The following PHLPP2 variants were observed in gnomAD, a reference collection of about 807,000 sequenced individuals.
PHLPP2 encodes the protein PH domain and leucine rich repeat protein phosphatase 2.
Under a neutral mutation model 124.9 loss-of-function variants are expected in PHLPP2, and 66 were observed. The observed-to-expected ratio is 0.53, with a 90% CI of 0.43 to 0.65. The LOEUF (loss-of-function observed/expected upper bound fraction) is 0.65, where lower values mean the gene tolerates loss of function less well. Among genes scored for constraint, PHLPP2 ranks in the 30% least tolerant of loss-of-function variants. The probability of loss-of-function intolerance (pLI) is 0.00; values close to 1 mark genes in which losing one functional copy is unlikely to be tolerated. For synonymous variants in PHLPP2, 681 were observed against 624.7 expected (o/e 1.09, Z -1.34); for missense variants, 1,685 against 1,600.4 (o/e 1.05, Z -0.90).
At chr16:71,698,882 G>A (rs1055484128) in intron 3 of PHLPP2, among the ~76,000 whole-genome samples, 5 of 152,284 alleles carry the variant, frequency 3.3e-5, no homozygotes, top group African/African-American at 1.2e-4. Flanking sequence ...CATAATGGCT[G>A]ACTGGGACAC....
At chr16:71,694,300 A>C (rs1374543740) in intron 3 of PHLPP2, among the ~76,000 whole-genome samples, 1 of 151,726 alleles carries the variant, frequency 6.6e-6, no homozygotes, top group Non-Finnish European at 1.5e-5. Flanking sequence ...CATCTCTACT[A>C]AAATACAAAA....
chr16:71,654,325 T>C (rs745942527), intron 17 of PHLPP2, among the ~76,000 whole-genome samples: 9 of 151,824 alleles, frequency 5.9e-5, no homozygotes, highest in Non-Finnish European at 1.3e-4. Flanking sequence ...CCACCTGACA[T>C]GCAAATGCTC....
chr16:71,705,266 GA>G (rs1291004517), intron 2 of PHLPP2, among the ~76,000 whole-genome samples: 1 of 152,138 alleles, frequency 6.6e-6, no homozygotes, highest in Non-Finnish European at 1.5e-5. Context: ...AATTCTACCT[GA>G]CCCCTACAGT....
chr16:71,680,186 T>C (rs2044984306), intron 6 of PHLPP2, among the ~76,000 whole-genome samples: 1 of 152,224 alleles, frequency 6.6e-6, no homozygotes, highest in Non-Finnish European at 1.5e-5. Flanking sequence ...CTTTTTCCAT[T>C]ATTAAATTTC....
rs1567609742 is a variant in PHLPP2, at chr16:71,647,979, A to G, written c.*911T>C. On this transcript the variant is annotated 3_prime_UTR_variant, in exon 19 of 19. Transcript: ENST00000568954. ...TCTAAGAAGATTGGCTCGAGTGCAG[A>G]TTCAAAAATAAAAAGTTCACAGTCA... The G allele has an allele frequency of 6.6e-6, 1 of 152,664 alleles. No individual in the cohort carries two copies. The highest frequency in any genetic ancestry group is 1.5e-5 in the Non-Finnish European group (1 of 68,044). The allele number at this position is 152,664 out of a possible 1,614,324, so 9.5% of individuals were successfully genotyped here.
In PHLPP2 at chr16:71,652,910, G is replaced by A; in HGVS notation, c.2697C>T (p.Gly899=). 5.6e-6 allele frequency: 9 copies of A among 1,614,054 alleles called. No individual in the cohort carries two copies. Among genetic ancestry groups the A allele is most frequent in the Non-Finnish European group, 7.6e-6 (9 of 1,179,962 alleles). The change falls in exon 18 of 19, where the codon GGC becomes GGT. Residue 899 remains glycine (G), a synonymous_variant. Coordinates refer to ENST00000568954, the MANE Select transcript of PHLPP2 (RefSeq NM_015020.3). The part of the protein sequence containing the change: ...SSFSLTVANV[G]TCQAVLCRGG... The stretch of plus-strand genomic sequence containing the variant: ...CTCGGCACAGGACTGCTTGGCACGT[G>A]CCAACATTGGCTACAGTCAAGCTAA...
At chr16:71,676,806 T>C in intron 8 of PHLPP2, 157 bp from the exon 9 acceptor site, 1 of 607,230 alleles carries the variant, frequency 1.6e-6, no homozygotes, top group Non-Finnish European at 2.9e-6. Flanking sequence ...TGGAGTGCAA[T>C]GGCGTGATCT....
chr16:71,707,198 G>A (rs2045281585), intron 2 of PHLPP2, among the ~76,000 whole-genome samples: 1 of 151,526 alleles, frequency 6.6e-6, no homozygotes, highest in African/African-American at 2.4e-5. Flanking sequence ...CTCGTGATCC[G>A]CCCGCCTCGG....
At chr16:71,697,583 A>T (rs2045185735) in intron 3 of PHLPP2, among the ~76,000 whole-genome samples, 1 of 152,192 alleles carries the variant, frequency 6.6e-6, no homozygotes, top group African/African-American at 2.4e-5. Flanking sequence ...GAATGGAAAT[A>T]TACGATGTAA....
chr16:71,674,938 A>T (rs866533341), intron 9 of PHLPP2, among the ~76,000 whole-genome samples: 1 of 152,254 alleles, frequency 6.6e-6, no homozygotes, highest in South Asian at 2.1e-4. Flanking sequence ...CAGAGGTTGC[A>T]GTGAGCTGAG....
chr16:71,704,321 A>AAAAAAAAAAC (rs1555548338), intron 2 of PHLPP2, among the ~76,000 whole-genome samples: 1 of 151,084 alleles, frequency 6.6e-6, no homozygotes, highest in African/African-American at 2.4e-5. Flanking sequence ...AAAAAAAAAA[A>AAAAAAAAAAC]AAAACTTAAT....
In PHLPP2 at chr16:71,655,300, T is replaced by G; in HGVS notation, c.2525A>C (p.Glu842Ala). Residue 842 changes from glutamate (E) to alanine (A), a missense_variant, in exon 17 of 19, where the codon GAG (glutamate) becomes GCG (alanine). Coordinates refer to ENST00000568954, the MANE Select transcript of PHLPP2 (RefSeq NM_015020.3). ...QCTMADVLLE[E>A]VQQSTNDTVF... ...TGTGTCATTAGTTGACTGCTGTACC[T>G]CTTCTAAAAGCACATCTGCCATCGT... 1 of 1,613,980 alleles carries G rather than the reference T, an allele frequency of 6.2e-7. No individual in the cohort carries two copies. The highest frequency in any genetic ancestry group is 1.6e-4 in the Middle Eastern group (1 of 6,062).
Position 71,674,679 on chromosome 16 carries a change from G to A in PHLPP2, c.1471+1768C>T, listed in dbSNP as rs2044929123. 2.6e-5 allele frequency among the ~76,000 whole-genome samples: 4 copies of A among 151,940 alleles called. No homozygotes were observed. In the South Asian group the frequency reaches 6.2e-4, roughly 24 times the overall value. On this transcript the variant is annotated intron_variant, in intron 9 of 18. Transcript: ENST00000568954. ...TCTATTGCATGAATATATCACTACC[G>A]ATTTGCCCATTTTCCTATTAATAAT... is the stretch of plus-strand genomic sequence containing the variant.
At chr16:71,662,140 G>C (rs1315800463) in intron 13 of PHLPP2, among the ~76,000 whole-genome samples, 1 of 151,644 alleles carries the variant, frequency 6.6e-6, no homozygotes, top group Non-Finnish European at 1.5e-5. Context: ...TAAAAGGTTA[G>C]TCGGGTGCGG....
In PHLPP2 at chr16:71,649,163, G is replaced by A. The variant is rs1314892375; in HGVS notation, c.3699C>T (p.Ser1233=). ...RMELQKSPST[S]CLYGKKLSNG... is the part of the protein sequence containing the mutation. ...TGGAGAGTTTCTTCCCATAGAGGCA[G>A]GAGGTGGAGGGAGACTTCTGTAACT... The change falls in exon 19 of 19, where the codon TCC becomes TCT. Residue 1233 remains serine (S), a synonymous_variant. Transcript: ENST00000568954. 2.5e-6 allele frequency: 4 copies of A among 1,614,206 alleles called. No individual in the cohort carries two copies. Among genetic ancestry groups the A allele is most frequent in the Admixed American group, 1.7e-5 (1 of 60,022 alleles).
intron 1 of PHLPP2, among the ~76,000 whole-genome samples, chr16:71,717,685 G>C (rs969830618): frequency 6.6e-6 from 1 of 151,926 alleles, no homozygotes; most frequent in African/African-American, 2.4e-5. Flanking sequence ...TTAATCTTTG[G>C]GAAAGATTAA....
rs2044971257 is a variant in PHLPP2 at position 71,678,847 on chromosome 16, C to T, written c.1176G>A (p.Met392Ile). ...QIPEVYEKLT[M>I]LDRVVMAGNC... ...TTCCTGCCATAACCACTCTATCTAA[C>T]ATAGTGAGTTTCTCATAAACCTCAG... The change falls in exon 8 of 19, where the codon ATG becomes ATA. Residue 392 changes from methionine to isoleucine, a missense_variant. Physicochemically the swap from Met to Ile is conservative, Grantham distance 10. Coordinates refer to ENST00000568954, the MANE Select transcript of PHLPP2 (RefSeq NM_015020.3). The T allele has an allele frequency of 1.2e-6, 2 of 1,612,154 alleles. No homozygotes were observed. The highest frequency in any genetic ancestry group is 2.7e-5 in the African/African-American group (2 of 74,876).
Position 71,683,275 on chromosome 16 carries a change from A to C in PHLPP2, c.735+1201T>G, listed in dbSNP as rs117730548. On this transcript the variant is annotated intron_variant, in intron 5 of 18. Transcript: ENST00000568954. Reference sequence around the variant, plus strand: ...GCAAAGATGGCTAGAAGAAAAAGAGAATTTGGAAATCACAATACACTTTAT... The same window carrying C: ...GCAAAGATGGCTAGAAGAAAAAGAGCATTTGGAAATCACAATACACTTTAT... Among the ~76,000 whole-genome samples, 438 of 152,342 alleles carry C rather than the reference A, an allele frequency of 2.9e-3. 6 individuals are homozygous for C. The highest frequency in any genetic ancestry group is 5.0e-3 in the Non-Finnish European group (340 of 68,022).
At chr16:71,717,046 A>AC (rs1407850342) in intron 1 of PHLPP2, among the ~76,000 whole-genome samples, 1 of 152,188 alleles carries the variant, frequency 6.6e-6, no homozygotes, top group Non-Finnish European at 1.5e-5. Context: ...CCCAATCTGT[A>AC]CCTTAGTCCA....
Sources: allele counts gnomAD v4.1 joint callset (sites outside exome capture counted in the v4.1 genomes callset), GRCh38; gene constraint gnomAD v4.1.1; transcripts MANE v1.5; gene names NCBI Gene and HGNC (gene_info 2026-07-23, HGNC 2026-07-21).